Variants in STX8 observed in about 807,000 individuals in gnomAD.
STX8 encodes the protein syntaxin-8.
In STX8, 23 loss-of-function variants were observed where a neutral mutation model predicts 37.5. The observed-to-expected ratio is 0.61, with a 90% CI of 0.44 to 0.87. STX8 has a LOEUF of 0.87. Among genes scored for constraint, STX8 ranks in the 40% least tolerant of loss-of-function variants. The pLI, the probability that STX8 is intolerant of heterozygous loss-of-function variation, is 0.00. For missense variants in STX8, 313 were observed against 284.7 expected (o/e 1.10, Z -0.71); for synonymous variants, 115 against 99.1 (o/e 1.16, Z -0.95).
intron 7 of STX8, among the ~76,000 whole-genome samples, chr17:9,367,172 GT>G (rs79285740): frequency 0.13 from 17,378 of 136,398 alleles, 2,794 homozygotes; most frequent in African/African-American, 0.39. Context: ...TGTTTTTTTT[GT>G]TTTTTTTTTT....
chr17:9,286,686 CAA>C (rs34274390), intron 7 of STX8, among the ~76,000 whole-genome samples: 72 of 82,828 alleles, frequency 8.7e-4, no homozygotes, highest in African/African-American at 1.0e-3. Flanking sequence ...CAAAGGGAAG[CAA>C]AAAAAAAAAA....
chr17:9,333,229 T>G (rs1910018726), intron 7 of STX8, among the ~76,000 whole-genome samples: 1 of 151,960 alleles, frequency 6.6e-6, no homozygotes, highest in South Asian at 2.1e-4. Context: ...CAATAGGTGG[T>G]TTTTCAGCCT....
chr17:9,472,768 C>T (rs1327698122), intron 6 of STX8, among the ~76,000 whole-genome samples: 1 of 152,182 alleles, frequency 6.6e-6, no homozygotes, highest in African/African-American at 2.4e-5. Context: ...CCAGCTGTCC[C>T]AGGGCCTGAG....
Position 9,445,800 on chromosome 17 carries a change from C to G in STX8, c.541+46029G>C, listed in dbSNP as rs528645200. Among the ~76,000 whole-genome samples, 41 of 151,590 alleles carry G rather than the reference C, an allele frequency of 2.7e-4. No homozygotes were observed. The South Asian group carries it at 8.6e-3, about 32-fold the overall frequency. On this transcript the variant is annotated intron_variant, in intron 6 of 7. Coordinates refer to ENST00000306357, the MANE Select transcript of STX8 (RefSeq NM_004853.3). ...CAGTTTTTTTGCACATCTTTTCTAT[C>G]ATCTTTCCTTAAAGAATATACATTT...
chr17:9,341,244 G>A (rs945719511), intron 7 of STX8, among the ~76,000 whole-genome samples: 2 of 151,996 alleles, frequency 1.3e-5, no homozygotes. Context: ...TGAGAGGGAT[G>A]CTCTCTGGTT....
chr17:9,494,702 A>T (rs1051019985), intron 5 of STX8, among the ~76,000 whole-genome samples: 9 of 151,624 alleles, frequency 5.9e-5, no homozygotes, highest in African/African-American at 1.9e-4. Flanking sequence ...TATTACTTTG[A>T]AACTTTTTGC....
rs1909625820 is a variant in STX8 at position 9,322,851 on chromosome 17, C to T, written c.643+55701G>A. ...AAAAAAAAAAAAAAAGAGGCAAAAC[C>T]CTCATTTGAAGTTGAAGAAATGTTA... On this transcript the variant is annotated intron_variant, in intron 7 of 7. Transcript: ENST00000306357. Among the ~76,000 whole-genome samples the T allele has an allele frequency of 2.0e-5, 3 of 146,618 alleles. No homozygotes were observed. In the South Asian group the frequency reaches 6.5e-4, roughly 32 times the overall value.
chr17:9,424,406 G>T (rs1241039406), intron 6 of STX8, among the ~76,000 whole-genome samples: 1 of 151,866 alleles, frequency 6.6e-6, no homozygotes, highest in African/African-American at 2.4e-5. Flanking sequence ...GCTGCTGAAG[G>T]TCCCTGTCAA....
At chr17:9,439,888 A>C (rs921687798) in intron 6 of STX8, among the ~76,000 whole-genome samples, 2 of 152,064 alleles carry the variant, frequency 1.3e-5, no homozygotes, top group African/African-American at 4.8e-5. Flanking sequence ...ACATTCCCAC[A>C]CATTACCATT....
intron 6 of STX8, among the ~76,000 whole-genome samples, chr17:9,435,672 G>A (rs1904407117): frequency 6.6e-6 from 1 of 152,190 alleles, no homozygotes; most frequent in African/African-American, 2.4e-5. Flanking sequence ...TTCGATTAAA[G>A]AGGGCCTTTA....
chr17:9,391,411 C>T (rs1912215149), intron 6 of STX8, among the ~76,000 whole-genome samples: 4 of 152,042 alleles, frequency 2.6e-5, no homozygotes, highest in Admixed American at 2.0e-4. Flanking sequence ...GAGATCATGC[C>T]ATTGCACTCC....
intron 6 of STX8, among the ~76,000 whole-genome samples, chr17:9,462,547 C>A (rs1202836671): frequency 6.6e-6 from 1 of 152,066 alleles, no homozygotes; most frequent in African/African-American, 2.4e-5. Flanking sequence ...CGTGGTGAAA[C>A]CCTGTCTCTA....
intron 7 of STX8, among the ~76,000 whole-genome samples, chr17:9,288,140 CAAAAA>C (rs60385667): frequency 0.25 from 15,298 of 61,304 alleles, 2,355 homozygotes; most frequent in Middle Eastern, 0.44. Flanking sequence ...AACAAACAAA[CAAAAA>C]AAAAAAAAAC....
At chr17:9,551,582 G>C (rs577384327) in intron 3 of STX8, among the ~76,000 whole-genome samples, 1 of 151,920 alleles carries the variant, frequency 6.6e-6, no homozygotes, top group Admixed American at 6.5e-5. Flanking sequence ...GGCACAAAGA[G>C]GTTAAGTAAC....
intron 7 of STX8, among the ~76,000 whole-genome samples, chr17:9,349,771 T>C (rs1489533605): frequency 6.6e-6 from 1 of 152,152 alleles, no homozygotes; most frequent in South Asian, 2.1e-4. Context: ...GACTGTACTG[T>C]ACTCCTCCTC....
chr17:9,486,965 T>C (rs1472549196), intron 6 of STX8, among the ~76,000 whole-genome samples: 3 of 152,136 alleles, frequency 2.0e-5, no homozygotes, highest in Admixed American at 6.5e-5. Context: ...TGTGGCTGCA[T>C]GAGGGGACGT....
intron 7 of STX8, among the ~76,000 whole-genome samples, chr17:9,351,914 C>T (rs1262056556): frequency 1.3e-5 from 2 of 151,800 alleles, no homozygotes; most frequent in African/African-American, 2.4e-5. Context: ...TTTGGGAGGC[C>T]GACTTGGGAG....
At chr17:9,571,434 A>G (rs898151998) in intron 1 of STX8, among the ~76,000 whole-genome samples, 1 of 151,782 alleles carries the variant, frequency 6.6e-6, no homozygotes, top group Non-Finnish European at 1.5e-5. Context: ...CAACCTCATT[A>G]CACTATCAAG....
At chr17:9,306,345 T>C (rs900464039) in intron 7 of STX8, among the ~76,000 whole-genome samples, 3 of 152,156 alleles carry the variant, frequency 2.0e-5, no homozygotes, top group African/African-American at 7.2e-5. Flanking sequence ...TCAAAGCAGT[T>C]ACTCACTTAG....
Sources: allele counts gnomAD v4.1 joint callset (sites outside exome capture counted in the v4.1 genomes callset), GRCh38; gene constraint gnomAD v4.1.1; transcripts MANE v1.5; gene names NCBI Gene and HGNC (gene_info 2026-07-23, HGNC 2026-07-21).